The following VMP1 variants were observed in gnomAD, a reference collection of about 807,000 sequenced individuals.
VMP1 encodes the protein ectopic P-granules autophagy protein 3 homolog.
VMP1 carries 11 observed loss-of-function variants against 56.0 expected under a neutral mutation model. The observed-to-expected ratio is 0.20, with a 90% CI of 0.12 to 0.32. The LOEUF (loss-of-function observed/expected upper bound fraction) is 0.32. Ranked by LOEUF, VMP1 falls within the 10% of genes least tolerant of loss-of-function variation. VMP1 has a pLI of 1.00. For synonymous variants in VMP1, 149 were observed against 165.0 expected (o/e 0.90, Z 0.74); for missense variants, 296 against 490.3 (o/e 0.60, Z 3.74).
chr17:59,765,190 G>A (rs1453941008), intron 6 of VMP1, 52 bp downstream of exon 6: 1 of 1,574,062 alleles, frequency 6.4e-7, no homozygotes, highest in African/African-American at 1.4e-5. Context: ...CATCTTGATA[G>A]TGTGTGTACC....
chr17:59,795,214 A>C (rs1241208082), intron 7 of VMP1, among the ~76,000 whole-genome samples: 1 of 151,872 alleles, frequency 6.6e-6, no homozygotes, highest in Non-Finnish European at 1.5e-5. Flanking sequence ...ACCTCAGGTG[A>C]TCTGCCCACC....
chr17:59,838,103 T>A, intron 10 of VMP1, 192 bp from the exon 11 acceptor site: 2 of 183,900 alleles, frequency 1.1e-5, no homozygotes, highest in South Asian at 1.4e-4. Context: ...AAATTTTCTT[T>A]TTTTTTTTTT....
intron 7 of VMP1, among the ~76,000 whole-genome samples, chr17:59,795,779 G>T (rs2037418759): frequency 6.6e-6 from 1 of 152,026 alleles, no homozygotes; most frequent in South Asian, 2.1e-4. Flanking sequence ...AATAAATCAG[G>T]CAAGATATTT....
intron 1 of VMP1, chr17:59,729,955 A>T (rs1039884614): frequency 8.5e-5 from 13 of 152,252 alleles, no homozygotes; most frequent in African/African-American, 3.1e-4. Flanking sequence ...AAGTGCTGGG[A>T]TTACAGGCGT....
At chr17:59,809,537 C>T (rs1200798989) in intron 8 of VMP1, among the ~76,000 whole-genome samples, 3 of 98,310 alleles carry the variant, frequency 3.1e-5, no homozygotes, top group East Asian at 3.4e-4. Flanking sequence ...GACGGAGTCT[C>T]GCTCTGTCGC....
In VMP1 at chr17:59,840,965, C is replaced by A. The variant is rs951731123; in HGVS notation, c.*1054C>A. 9 of 173,656 alleles carry A rather than the reference C, an allele frequency of 5.2e-5. No homozygotes were observed. Among genetic ancestry groups the A allele is most frequent in the African/African-American group, 2.1e-4 (9 of 41,948 alleles). 10.8% of individuals were successfully genotyped at this position (173,656 alleles called of 1,614,324 possible). A position where few individuals can be genotyped will look rare whatever the true frequency, so the allele number is the denominator to read the frequency against. On this transcript the variant is annotated 3_prime_UTR_variant, in exon 12 of 12. Transcript: ENST00000262291. The stretch of plus-strand genomic sequence containing the variant: ...CAACAGACACAAATTTATATGTTAA[C>A]CCAGTTTTCTTGCCGTTCTGTAAGT...
intron 7 of VMP1, among the ~76,000 whole-genome samples, chr17:59,805,271 A>G (rs1226720388): frequency 6.6e-6 from 1 of 152,226 alleles, no homozygotes; most frequent in Non-Finnish European, 1.5e-5. Context: ...GTTCTTGCCT[A>G]ATTGCCGTTA....
At chr17:59,824,358 G>A (rs1288332087) in intron 10 of VMP1, among the ~76,000 whole-genome samples, 1 of 151,530 alleles carries the variant, frequency 6.6e-6, no homozygotes, top group Non-Finnish European at 1.5e-5. Context: ...TATCACCTGA[G>A]GTCAGGAGTT....
chr17:59,774,357 C>T (rs2036541615), intron 7 of VMP1, among the ~76,000 whole-genome samples: 1 of 151,592 alleles, frequency 6.6e-6, no homozygotes, highest in Non-Finnish European at 1.5e-5. Context: ...TTTGAGGCTG[C>T]AAGTGAGCTA....
rs1346986497 is a variant in VMP1, at chr17:59,790,385, T to C, written c.714+16500T>C. 3.3e-5 allele frequency among the ~76,000 whole-genome samples: 5 copies of C among 152,220 alleles called. No homozygotes were observed. The East Asian group carries it at 7.7e-4, about 23-fold the overall frequency. On this transcript the variant is annotated intron_variant, in intron 7 of 11. Transcript: ENST00000262291. ...ACATGGGTCTGCATCAATTAACTTA[T>C]CCAAATTTCTAAAACTTTGTATTTT...
chr17:59,743,907 A>G (rs1424504322), intron 5 of VMP1, among the ~76,000 whole-genome samples: 1 of 151,616 alleles, frequency 6.6e-6, no homozygotes, highest in Non-Finnish European at 1.5e-5. Flanking sequence ...GTCTTATTGC[A>G]TTGGTTAGGT....
intron 9 of VMP1, among the ~76,000 whole-genome samples, chr17:59,812,140 TTTTG>T (rs769209990): frequency 1.3e-5 from 2 of 152,170 alleles, no homozygotes; most frequent in Non-Finnish European, 2.9e-5. Flanking sequence ...AAATGTAGTT[TTTTG>T]TTTGTTTTGT....
chr17:59,725,348 T>C (rs1400558685), intron 1 of VMP1, among the ~76,000 whole-genome samples: 1 of 152,158 alleles, frequency 6.6e-6, no homozygotes, highest in Non-Finnish European at 1.5e-5. Context: ...GTACGTATGA[T>C]TGGGGGAAGA....
intron 6 of VMP1, among the ~76,000 whole-genome samples, chr17:59,772,950 CTTTTTTTTTTTTTT>C (rs1179269248): frequency 2.2e-4 from 12 of 55,718 alleles, no homozygotes; most frequent in African/African-American, 9.4e-4. Flanking sequence ...CTGGTGAATT[CTTTTTTTTTTTTTT>C]TTTTTTTTTT....
At chr17:59,790,959 C>A (rs2037202863) in intron 7 of VMP1, among the ~76,000 whole-genome samples, 1 of 152,066 alleles carries the variant, frequency 6.6e-6, no homozygotes, top group Non-Finnish European at 1.5e-5. Flanking sequence ...TCCAACAGCC[C>A]CCAAATCTCA....
intron 10 of VMP1, among the ~76,000 whole-genome samples, chr17:59,823,390 G>T (rs961564059): frequency 6.6e-6 from 1 of 150,438 alleles, no homozygotes; most frequent in African/African-American, 2.4e-5. Context: ...GGCGGAGGTT[G>T]CAGTGAGCCG....
Position 59,838,283 on chromosome 17 carries a change from C to T in VMP1, c.975-12C>T. On this transcript the variant is annotated splice_polypyrimidine_tract_variant and intron_variant, in intron 10 of 11. Transcript: ENST00000262291. Reference sequence around the variant, plus strand: ...GTGTCTTTTTCTTTGGGCTACTGTACCCTGCTTCCAGTGCTGTCCCCGGCA... The same window carrying T: ...GTGTCTTTTTCTTTGGGCTACTGTATCCTGCTTCCAGTGCTGTCCCCGGCA... 6.8e-6 allele frequency: 11 copies of T among 1,612,612 alleles called. No individual in the cohort carries two copies. Among genetic ancestry groups the T allele is most frequent in the Non-Finnish European group, 9.3e-6 (11 of 1,178,996 alleles).
chr17:59,758,694 C>T (rs556064607), intron 5 of VMP1, among the ~76,000 whole-genome samples: 41 of 151,478 alleles, frequency 2.7e-4, no homozygotes, highest in African/African-American at 7.8e-4. Flanking sequence ...GGGCCAGGTG[C>T]GCCGGCTCAC....
chr17:59,719,079 C>T (rs183923842), intron 1 of VMP1, among the ~76,000 whole-genome samples: 6 of 152,204 alleles, frequency 3.9e-5, no homozygotes, highest in African/African-American at 1.2e-4. Context: ...ATCAAAGCCT[C>T]GTTTGTCAAG....
Sources: allele counts gnomAD v4.1 joint callset (sites outside exome capture counted in the v4.1 genomes callset), GRCh38; gene constraint gnomAD v4.1.1; transcripts MANE v1.5; gene names NCBI Gene and HGNC (gene_info 2026-07-23, HGNC 2026-07-21).